RNF17: variants seen among roughly 807,000 people sequenced by gnomAD.
RNF17 encodes the protein ring finger protein 17.
RNF17 carries 31 observed loss-of-function variants against 200.5 expected under a neutral mutation model. The observed-to-expected ratio is 0.15, with a 90% CI of 0.12 to 0.21. The LOEUF is 0.21. RNF17 is among the 10% of genes least tolerant of loss of function. The probability of loss-of-function intolerance (pLI) is 1.00; values close to 1 mark genes in which losing one functional copy is unlikely to be tolerated. For missense variants in RNF17, 1,628 were observed against 1,905.1 expected (o/e 0.85, Z 2.71); for synonymous variants, 606 against 637.8 (o/e 0.95, Z 0.75).
chr13:24,790,287 A>G (rs1883683359), intron 9 of RNF17, among the ~76,000 whole-genome samples: 1 of 152,094 alleles, frequency 6.6e-6, no homozygotes, highest in Non-Finnish European at 1.5e-5. Context: ...GGGCAGTGAA[A>G]TAGCATGCTA....
chr13:24,782,156 A>C (rs986607721), intron 6 of RNF17, among the ~76,000 whole-genome samples: 2 of 152,108 alleles, frequency 1.3e-5, no homozygotes, highest in African/African-American at 4.8e-5. Context: ...AATTTTGCCT[A>C]TTTACCTTCT....
At chr13:24,838,801 A>G (rs1890293304) in intron 18 of RNF17, among the ~76,000 whole-genome samples, 1 of 150,620 alleles carries the variant, frequency 6.6e-6, no homozygotes, top group African/African-American at 2.4e-5. Context: ...TCTTCAACAT[A>G]GTAGTGGAAG....
At chr13:24,816,257 G>A (rs2137880074) in intron 15 of RNF17, among the ~76,000 whole-genome samples, 1 of 152,112 alleles carries the variant, frequency 6.6e-6, no homozygotes, top group Non-Finnish European at 1.5e-5. Context: ...ACTAGATAAA[G>A]GTGTATAATC....
chr13:24,848,678 A>T (rs759087104), intron 22 of RNF17, among the ~76,000 whole-genome samples: 24 of 152,208 alleles, frequency 1.6e-4, no homozygotes, highest in East Asian at 1.5e-3. Flanking sequence ...AATAAATAAA[A>T]AAATCACATT....
At chr13:24,779,516 T>C (rs1882061491) in intron 4 of RNF17, 151 bp from the exon 5 acceptor site, 4 of 550,230 alleles carry the variant, frequency 7.3e-6, no homozygotes, top group Non-Finnish European at 1.3e-5. Context: ...TTGAATGTTA[T>C]TTTTGTTGCT....
intron 1 of RNF17, among the ~76,000 whole-genome samples, chr13:24,764,593 G>A (rs145788325): frequency 7.9e-5 from 12 of 152,212 alleles, no homozygotes; most frequent in Non-Finnish European, 1.3e-4. Flanking sequence ...GGGAGGATGG[G>A]GGCCCGGGTG....
At chr13:24,848,195 A>G (rs1224661826) in intron 22 of RNF17, among the ~76,000 whole-genome samples, 1 of 152,176 alleles carries the variant, frequency 6.6e-6, no homozygotes, top group African/African-American at 2.4e-5. Flanking sequence ...ATATCTGCTG[A>G]CTGTTGAGTT....
At chr13:24,760,238 G>T (rs1040611657), upstream of RNF17, among the ~76,000 whole-genome samples, 2 of 152,138 alleles carry the variant, frequency 1.3e-5, no homozygotes, top group African/African-American at 4.8e-5. Flanking sequence ...CAAAATGTAT[G>T]TTAACTGGAT....
intron 14 of RNF17, among the ~76,000 whole-genome samples, chr13:24,803,406 C>G (rs777317279): frequency 1.3e-5 from 2 of 152,212 alleles, no homozygotes; most frequent in African/African-American, 2.4e-5. Flanking sequence ...TCTGGTGATT[C>G]TCATGTCTCA....
intron 35 of RNF17, 77 bp downstream of exon 35, chr13:24,879,372 G>T: frequency 1.1e-6 from 1 of 951,264 alleles, no homozygotes; most frequent in South Asian, 1.5e-5. Context: ...AAAAGCACCC[G>T]TGGATTTTCC....
chr13:24,818,377 G>T lies in RNF17; in HGVS notation c.2092-7242G>T, dbSNP rs1281928688. Among the ~76,000 whole-genome samples, 3 of 152,070 alleles carry T rather than the reference G, an allele frequency of 2.0e-5. No homozygotes were observed. The South Asian group carries it at 6.2e-4, about 32-fold the overall frequency. On this transcript the variant is annotated intron_variant, in intron 15 of 35. Transcript: ENST00000255324. ...ATTTTACTATTGGCTAGAGTGTTTT[G>T]TGTATGTCTGTTAGGACCTGTTGGT... is the stretch of plus-strand genomic sequence containing the variant.
chr13:24,850,591 A>G, intron 23 of RNF17, 148 bp downstream of exon 23: 1 of 540,760 alleles, frequency 1.8e-6, no homozygotes, highest in Non-Finnish European at 3.3e-6. Flanking sequence ...TAAGAGGCAT[A>G]TATCTTTTCA....
At chr13:24,816,092 G>C (rs1308695337) in intron 15 of RNF17, among the ~76,000 whole-genome samples, 1 of 151,962 alleles carries the variant, frequency 6.6e-6, no homozygotes, top group Non-Finnish European at 1.5e-5. Flanking sequence ...TAGAAATGAG[G>C]TCTCACTATG....
At chr13:24,796,359 A>G in intron 11 of RNF17, 64 bp downstream of exon 11, 1 of 1,131,492 alleles carries the variant, frequency 8.8e-7, no homozygotes, top group Non-Finnish European at 1.2e-6. Flanking sequence ...AACTTGGCCA[A>G]CCCACATAAG....
chr13:24,851,585 T>TA lies in RNF17; in HGVS notation c.3320+20dup, dbSNP rs759005363. On this transcript the variant is annotated intron_variant, in intron 24 of 35. Coordinates refer to ENST00000255324, the MANE Select transcript of RNF17 (RefSeq NM_031277.3). ...GAGAGAAAGGAGGTATAGACTTTTT[T>TA]AAAAAATTTTGACATCAGTTTGTGA... 5.8e-6 allele frequency: 9 copies of TA among 1,550,306 alleles called. No individual in the cohort carries two copies. The Admixed American group carries it at 1.5e-4, about 26-fold the overall frequency.
chr13:24,869,622 C>T (rs1228211654), intron 31 of RNF17, among the ~76,000 whole-genome samples: 4 of 152,164 alleles, frequency 2.6e-5, no homozygotes, highest in African/African-American at 9.7e-5. Flanking sequence ...GTTTCCTGCC[C>T]GTGGCCTCTC....
At chr13:24,854,241 G>T in intron 25 of RNF17, 97 bp downstream of exon 25, 2 of 870,914 alleles carry the variant, frequency 2.3e-6, no homozygotes, top group Admixed American at 2.6e-5. Context: ...TTTTCACAAG[G>T]TTGTTAGGAG....
chr13:24,805,263 G>T (rs1885710858), intron 15 of RNF17, among the ~76,000 whole-genome samples: 1 of 152,078 alleles, frequency 6.6e-6, no homozygotes, highest in African/African-American at 2.4e-5. Flanking sequence ...GTACCATTCA[G>T]TGCCATTAAG....
intron 18 of RNF17, among the ~76,000 whole-genome samples, chr13:24,840,097 A>G (rs1304046550): frequency 6.6e-6 from 1 of 152,200 alleles, no homozygotes; most frequent in African/African-American, 2.4e-5. Context: ...AAAAAGATAT[A>G]CAAATGGCCA....
Sources: gnomAD v4.1 joint callset for allele counts (sites outside exome capture counted in the v4.1 genomes callset) on GRCh38, gnomAD v4.1.1 for gene constraint, MANE v1.5 for transcripts, NCBI Gene and HGNC (gene_info 2026-07-23, HGNC 2026-07-21) for gene names.